The following SV2C variants were observed in gnomAD, a reference collection of about 807,000 sequenced individuals.
The protein encoded by SV2C is synaptic vesicle glycoprotein 2C.
SV2C carries 49 observed loss-of-function variants against 79.7 expected under a neutral mutation model. The observed-to-expected ratio is 0.61, with a 90% CI of 0.49 to 0.78. The LOEUF (loss-of-function observed/expected upper bound fraction) is 0.78, where lower values mean the gene tolerates loss of function less well. Among genes scored for constraint, SV2C ranks in the 30% least tolerant of loss-of-function variants. The pLI is 0.00. For synonymous variants in SV2C, 334 were observed against 333.2 expected, an observed-to-expected ratio of 1.00 and a Z score of -0.03; for missense variants, 833 against 912.9, an observed-to-expected ratio of 0.91 and a Z score of 1.13.
chr5:75,996,407 T>C, the SV2C span, among the ~76,000 whole-genome samples: 1 of 152,184 alleles, frequency 6.6e-6, no homozygotes, highest in Non-Finnish European at 1.5e-5. Flanking sequence ...TAGTTTGAAG[T>C]CAGGTAGCAT....
At chr5:75,917,812 TAA>T in the SV2C span, among the ~76,000 whole-genome samples, 2 of 151,080 alleles carry the variant, frequency 1.3e-5, no homozygotes, top group African/African-American at 4.8e-5. Flanking sequence ...TAAAATAACT[TAA>T]AGAGTGTAAT....
At chr5:75,860,558 T>C in the SV2C span, among the ~76,000 whole-genome samples, 48 of 152,292 alleles carry the variant, frequency 3.2e-4, no homozygotes, top group African/African-American at 1.1e-3. Context: ...CAACTACCAA[T>C]GACATTTTTC....
chr5:76,224,773 A>T (rs1270122886), intron 4 of SV2C, among the ~76,000 whole-genome samples: 1 of 152,188 alleles, frequency 6.6e-6, no homozygotes, highest in Non-Finnish European at 1.5e-5. Flanking sequence ...TTGTTAAGGT[A>T]AAAAATTGTA....
chr5:76,112,207 G>C (rs145185820), intron 1 of SV2C, among the ~76,000 whole-genome samples: 12 of 152,332 alleles, frequency 7.9e-5, no homozygotes, highest in African/African-American at 2.6e-4. Flanking sequence ...TATGTTGTCA[G>C]ATGGTGAGAG....
intron 4 of SV2C, among the ~76,000 whole-genome samples, chr5:76,254,232 G>GTGTGTGTATATATA (rs1561285014): frequency 6.2e-5 from 3 of 48,582 alleles, no homozygotes; most frequent in Non-Finnish European, 9.9e-5. Context: ...GTATATATAT[G>GTGTGTGTATATATA]TGTGTGTGTA....
In SV2C at chr5:76,301,471, G is replaced by A; in HGVS notation, c.1926G>A (p.Leu642=). Residue 642 remains leucine (L), a synonymous_variant, in exon 12 of 13, where the codon CTG becomes CTA. Transcript: ENST00000502798. The part of the protein sequence containing the change: ...SESMMIGMLC[L]YNGLTISAWN... ...CCATGATGATAGGCATGCTGTGTCT[G>A]TACAATGGATTGACCATCTCAGCCT... is the stretch of plus-strand genomic sequence containing the variant. 6.2e-7 allele frequency: 1 copy of A among 1,614,068 alleles called. No individual in the cohort carries two copies. The highest frequency in any genetic ancestry group is 1.1e-5 in the South Asian group (1 of 91,070).
At chr5:76,254,246 A>ATGTGTGTGTG (rs1746202767) in intron 4 of SV2C, among the ~76,000 whole-genome samples, 4 of 146,154 alleles carry the variant, frequency 2.7e-5, no homozygotes, top group African/African-American at 1.1e-4. Flanking sequence ...GTGTGTATAT[A>ATGTGTGTGTG]TATATATATA....
chr5:76,030,706 G>T, the SV2C span, among the ~76,000 whole-genome samples: 1 of 151,738 alleles, frequency 6.6e-6, no homozygotes, highest in Admixed American at 6.6e-5. Flanking sequence ...AGGCTGCAGT[G>T]AGCTGAGATC....
chr5:76,296,128 T>C, intron 9 of SV2C, 186 bp downstream of exon 9: 1 of 446,428 alleles, frequency 2.2e-6, no homozygotes, highest in Non-Finnish European at 3.6e-6. Flanking sequence ...ATGTATCCAT[T>C]ACTTCACTTA....
At chr5:76,076,159 T>G in the SV2C span, among the ~76,000 whole-genome samples, 2 of 152,204 alleles carry the variant, frequency 1.3e-5, no homozygotes, top group African/African-American at 4.8e-5. Flanking sequence ...AAAACTGTAT[T>G]GTTAAATATA....
At chr5:75,884,780 TTA>T in the SV2C span, among the ~76,000 whole-genome samples, 2 of 151,852 alleles carry the variant, frequency 1.3e-5, no homozygotes, top group Non-Finnish European at 2.9e-5. Flanking sequence ...TGTACAACTA[TTA>T]TATGTCAATT....
At chr5:75,960,462 CTA>C in the SV2C span, among the ~76,000 whole-genome samples, 5 of 151,952 alleles carry the variant, frequency 3.3e-5, no homozygotes, top group African/African-American at 1.2e-4. Context: ...ATTACTTTTT[CTA>C]TGTTTAGATA....
chr5:75,939,160 T>C, the SV2C span, among the ~76,000 whole-genome samples: 1 of 152,214 alleles, frequency 6.6e-6, no homozygotes, highest in Non-Finnish European at 1.5e-5. Flanking sequence ...TCCTGGTTTT[T>C]CAGCTTTTGA....
intron 4 of SV2C, among the ~76,000 whole-genome samples, chr5:76,268,338 C>T (rs1051315766): frequency 1.3e-5 from 2 of 152,108 alleles, no homozygotes; most frequent in African/African-American, 4.8e-5. Flanking sequence ...ATACTGGATT[C>T]ACGGGGCTCG....
At chr5:76,189,981 C>T (rs1422236518) in intron 2 of SV2C, among the ~76,000 whole-genome samples, 1 of 152,096 alleles carries the variant, frequency 6.6e-6, no homozygotes, top group Non-Finnish European at 1.5e-5. Flanking sequence ...TAATAACAAA[C>T]AGAACTGGCA....
intron 3 of SV2C, among the ~76,000 whole-genome samples, chr5:76,196,358 A>C (rs1744271879): frequency 6.6e-6 from 1 of 152,156 alleles, no homozygotes; most frequent in Non-Finnish European, 1.5e-5. Flanking sequence ...GGGGAAAAAA[A>C]AATGTTCAGA....
intron 4 of SV2C, among the ~76,000 whole-genome samples, chr5:76,254,273 G>T (rs573218668): frequency 1.2e-4 from 18 of 151,020 alleles, no homozygotes; most frequent in South Asian, 8.4e-4. Flanking sequence ...GAGAGAGAGA[G>T]ATATTAAAAA....
chr5:75,913,294 TATGGA>T, the SV2C span, among the ~76,000 whole-genome samples: 2 of 152,188 alleles, frequency 1.3e-5, no homozygotes, highest in African/African-American at 4.8e-5. Context: ...AGTCTCCAGA[TATGGA>T]CCACACTTGA....
intron 12 of SV2C, among the ~76,000 whole-genome samples, chr5:76,344,959 A>G (rs1561327665): frequency 6.6e-6 from 1 of 152,196 alleles, no homozygotes; most frequent in South Asian, 2.1e-4. Flanking sequence ...GCACAATTCA[A>G]CCCTAAGTTG....
Sources: allele counts gnomAD v4.1 joint callset (sites outside exome capture counted in the v4.1 genomes callset), GRCh38; gene constraint gnomAD v4.1.1; transcripts MANE v1.5; gene names NCBI Gene and HGNC (gene_info 2026-07-23, HGNC 2026-07-21).